Variants in TRPM5 observed in about 807,000 individuals in gnomAD.
TRPM5 encodes MLSN1 and TRP-related.
TRPM5 carries 121 observed loss-of-function variants against 124.9 expected under a neutral mutation model. The ratio of observed to expected loss-of-function variants is 0.97; its 90% CI spans 0.84 to 1.13. TRPM5 has a LOEUF of 1.13. TRPM5 is among the 50% of genes most tolerant of loss of function. The pLI, the probability that TRPM5 is intolerant of heterozygous loss-of-function variation, is 0.00. For synonymous variants in TRPM5, 781 were observed against 700.5 expected (o/e 1.11, Z -1.81); for missense variants, 1,643 against 1,589.1 (o/e 1.03, Z -0.58).
At chr11:2,415,037 G>C in exon 10 of TRPM5, 1 of 1,601,662 alleles carries the variant, frequency 6.2e-7, no homozygotes, top group Non-Finnish European at 8.5e-7. Context: ...CCGCTTGGCC[G>C]GGCCCTTCTC....
exon 9 of TRPM5, chr11:2,415,286 C>T (rs1382198409): frequency 6.3e-7 from 1 of 1,577,190 alleles, no homozygotes; most frequent in East Asian, 2.3e-5. Context: ...TCAGCCGGGC[C>T]TCCTCCTGCT....
chr11:2,411,675 T>G, exon 17 of TRPM5: 1 of 1,612,052 alleles, frequency 6.2e-7, no homozygotes, highest in Non-Finnish European at 8.5e-7. Flanking sequence ...CAGCTGCTTG[T>G]GTATGGCAAA....
rs1845667114 is a variant in TRPM5, at chr11:2,415,960, C to G, written c.1074G>C (p.Trp358Cys). Residue 358 changes from tryptophan to cysteine, a missense_variant, in exon 8 of 24, where the codon TGG (tryptophan) becomes TGC (cysteine). Trp to Cys is a radical substitution (Grantham distance 215, BLOSUM62 -2). Transcript: ENST00000155858. ...CACTCTTGGCGATGTCCACGCGGTC[C>G]CAGGCCACGGCCAGCTTGAGCTCAT... 7 of 1,582,054 alleles carry G rather than the reference C, an allele frequency of 4.4e-6. No homozygotes were observed. Among genetic ancestry groups the G allele is most frequent in the African/African-American group, 2.7e-5 (2 of 74,458 alleles).
At chr11:2,432,226 G>A in the TRPM5 span, among the ~76,000 whole-genome samples, 1 of 152,218 alleles carries the variant, frequency 6.6e-6, no homozygotes, top group South Asian at 2.1e-4. Context: ...CATCCCAGCT[G>A]CCGACAGAGC....
At chr11:2,413,381 C>A in intron 13 of TRPM5, 95 bp downstream of exon 18, 1 of 1,339,864 alleles carries the variant, frequency 7.5e-7, no homozygotes. Flanking sequence ...CAGAGTCAGG[C>A]TACCACCAGC....
At chr11:2,435,851 C>T in the TRPM5 span, among the ~76,000 whole-genome samples, 1 of 152,238 alleles carries the variant, frequency 6.6e-6, no homozygotes, top group East Asian at 1.9e-4. This position sits in a 1 kb window ranked among gnomAD's most constrained non-coding sequence, Gnocchi z 4.1. Flanking sequence ...CCACTCACCA[C>T]TTACTAACTT....
At chr11:2,425,861 C>A (rs1457355378), upstream of TRPM5, among the ~76,000 whole-genome samples, 1 of 152,194 alleles carries the variant, frequency 6.6e-6, no homozygotes, top group Admixed American at 6.5e-5. Context: ...TCGCCTTCCC[C>A]ATGACTCTTA....
At chr11:2,407,700 A>G in intron 19 of TRPM5, 59 bp downstream of exon 24, 1 of 1,588,076 alleles carries the variant, frequency 6.3e-7, no homozygotes, top group Non-Finnish European at 8.6e-7. Context: ...GGTGTTGGGG[A>G]ATGACCCTCT....
At chr11:2,431,342 T>C in the TRPM5 span, among the ~76,000 whole-genome samples, 2 of 152,106 alleles carry the variant, frequency 1.3e-5, no homozygotes, top group Non-Finnish European at 2.9e-5. Context: ...ACCCTGAAAG[T>C]CCAGCCTAAG....
chr11:2,405,966 C>G, intron 22 of TRPM5, 53 bp downstream of exon 27: 1 of 1,514,564 alleles, frequency 6.6e-7, no homozygotes, highest in Non-Finnish European at 9.1e-7. Flanking sequence ...TCCCAGTAGC[C>G]CCACGCAGCC....
chr11:2,414,039 C>T (rs1850513687), intron 12 of TRPM5, 22 bp downstream of exon 17: 1 of 1,546,282 alleles, frequency 6.5e-7, no homozygotes, highest in Non-Finnish European at 8.7e-7. Context: ...GGCAGCTCTC[C>T]TCGAGGACAG....
At chr11:2,422,291 A>T in exon 2 of TRPM5, 1 of 1,611,674 alleles carries the variant, frequency 6.2e-7, no homozygotes, top group Non-Finnish European at 8.5e-7. Context: ...AAGAGCACAG[A>T]CGGGGCCACT....
chr11:2,423,850 CT>C (rs1480610638), upstream of TRPM5, among the ~76,000 whole-genome samples: 1 of 152,258 alleles, frequency 6.6e-6, no homozygotes, highest in Non-Finnish European at 1.5e-5. Flanking sequence ...GGCTCCGCCC[CT>C]GCCCACAGCC....
chr11:2,411,600 C>G, intron 17 of TRPM5, 35 bp downstream of exon 22: 1 of 1,611,842 alleles, frequency 6.2e-7, no homozygotes, highest in Non-Finnish European at 8.5e-7. Context: ...ATTGCTGTCC[C>G]TCCAGGGCCA....
Position 2,417,845 on chromosome 11 carries a change from G to T in TRPM5, c.907-16C>A. ...TGTTCTGCAGCTGGGCACCAGAACA[G>T]AGCCCCCATGGGGCCGCCTCAGCCA... On this transcript the variant is annotated splice_polypyrimidine_tract_variant and intron_variant, in intron 6 of 23. Transcript: ENST00000155858. 1 of 1,562,718 alleles carries T rather than the reference G, an allele frequency of 6.4e-7. No homozygotes were observed. The highest frequency in any genetic ancestry group is 2.4e-5 in the East Asian group (1 of 42,490).
the TRPM5 span, among the ~76,000 whole-genome samples, chr11:2,432,305 G>A: frequency 3.3e-5 from 5 of 152,322 alleles, no homozygotes; most frequent in East Asian, 1.9e-4. Context: ...AGTTGGCCCC[G>A]GGCAGGCTTT....
chr11:2,405,103 G>C (rs552830553), intron 23 of TRPM5, 60 bp from the exon 29 acceptor site: 2 of 1,458,774 alleles, frequency 1.4e-6, no homozygotes, highest in African/African-American at 1.4e-5. Context: ...CCAGGAAGGG[G>C]AGAGGTAGCT....
chr11:2,404,825 G>C (rs945490132), exon 24 of TRPM5: 7 of 816,272 alleles, frequency 8.6e-6, no homozygotes, highest in African/African-American at 6.8e-5. Flanking sequence ...ATTGTCTGCT[G>C]GGGGGCTGGT....
chr11:2,416,396 G>A (rs756562813), intron 7 of TRPM5, among the ~76,000 whole-genome samples: 8 of 152,176 alleles, frequency 5.3e-5, no homozygotes, highest in Non-Finnish European at 8.8e-5. Flanking sequence ...TTTCCTCCAC[G>A]GGCAAGGGCA....
Sources: gnomAD v4.1 joint callset for allele counts (sites outside exome capture counted in the v4.1 genomes callset) on GRCh38, gnomAD v4.1.1 for gene constraint, Gnocchi (gnomAD v3.1) non-coding constraint, MANE v1.5 for transcripts, NCBI Gene and HGNC (gene_info 2026-07-23, HGNC 2026-07-21) for gene names.